The following COL5A3 variants were observed in gnomAD, a reference collection of about 807,000 sequenced individuals.
COL5A3 encodes the protein collagen alpha-3(V) chain.
COL5A3 carries 172 observed loss-of-function variants against 250.0 expected under a neutral mutation model. The ratio of observed to expected loss-of-function variants is 0.69; its 90% CI spans 0.61 to 0.78. The LOEUF (loss-of-function observed/expected upper bound fraction) is 0.78, where lower values mean the gene tolerates loss of function less well. COL5A3 is among the 30% of genes least tolerant of loss of function. The pLI is 0.00. For missense variants in COL5A3, 2,340 were observed against 2,334.4 expected (o/e 1.00, Z -0.05); for synonymous variants, 937 against 900.4 (o/e 1.04, Z -0.73).
At chr19:9,996,928 G>A (rs2145129560) in intron 11 of COL5A3, 1 of 555,076 alleles carries the variant, frequency 1.8e-6, no homozygotes, top group Non-Finnish European at 3.1e-6. Context: ...GAAGGATGGG[G>A]GCAGATGGAG....
At chr19:9,966,858 G>A in intron 62 of COL5A3, 112 bp from the exon 63 acceptor site, 2 of 786,116 alleles carry the variant, frequency 2.5e-6, no homozygotes, top group East Asian at 2.7e-5. Flanking sequence ...TGAGAAAGAG[G>A]AGGGAGAGAG....
At chr19:9,981,513 G>A (rs550274183) in intron 32 of COL5A3, among the ~76,000 whole-genome samples, 8 of 152,312 alleles carry the variant, frequency 5.3e-5, no homozygotes, top group Non-Finnish European at 1.0e-4. Flanking sequence ...TATACCCACT[G>A]TAAACACATG....
intron 51 of COL5A3, among the ~76,000 whole-genome samples, chr19:9,972,527 A>G (rs2086866336): frequency 6.6e-6 from 1 of 152,090 alleles, no homozygotes; most frequent in African/African-American, 2.4e-5. Context: ...AGAGGATGCA[A>G]TCCCTGGCTA....
At chr19:10,005,501 G>A in intron 4 of COL5A3, 57 bp downstream of exon 4, 3 of 1,537,772 alleles carry the variant, frequency 2.0e-6, no homozygotes, top group Non-Finnish European at 2.7e-6. Context: ...CCAGATTCAG[G>A]CTGTAGACAA....
chr19:9,985,085 A>T (rs1221322320), intron 31 of COL5A3, among the ~76,000 whole-genome samples: 1 of 148,458 alleles, frequency 6.7e-6, no homozygotes, highest in Non-Finnish European at 1.5e-5. Flanking sequence ...GGTAGCTGGG[A>T]TTACAGGTGC....
Position 9,960,246 on chromosome 19 carries a change from C to T in COL5A3, c.*165G>A, listed in dbSNP as rs1312680616. Reference sequence around the variant, plus strand: ...ACCCTTGGGCCAGGGAACCCCAGCCCCCAGCACCCTGGAAAGGAGAAGGAA... The same window carrying T: ...ACCCTTGGGCCAGGGAACCCCAGCCTCCAGCACCCTGGAAAGGAGAAGGAA... On this transcript the variant is annotated 3_prime_UTR_variant, in exon 67 of 67. Transcript: ENST00000264828. 4.6e-6 allele frequency: 4 copies of T among 871,414 alleles called. No individual in the cohort carries two copies. The Admixed American group carries it at 7.6e-5, about 17-fold the overall frequency. 54.0% of individuals were successfully genotyped at this position (871,414 alleles called of 1,614,324 possible).
chr19:9,997,334 C>T, intron 11 of COL5A3, 37 bp downstream of exon 11: 1 of 1,522,732 alleles, frequency 6.6e-7, no homozygotes, highest in African/African-American at 1.4e-5. Context: ...AAACCTCACT[C>T]CTCTGAGAAG....
At position 9,986,330 on chromosome 19, in the gene COL5A3, G is replaced by T; in HGVS notation, c.2337C>A (p.Gly779=). Residue 779 remains glycine (G), a synonymous_variant, in exon 30 of 67, where the codon GGC becomes GGA. Transcript: ENST00000264828. ...AGTCATTTACCTTCTCCCCAGCTGA[G>T]CCTGGGGGCCCCTCCTCGCCAGCCT... is the stretch of plus-strand genomic sequence containing the variant. The part of the protein sequence containing the change: ...AGQAGEEGPP[G]SAGEKGKLGV... 6.3e-7 allele frequency: 1 copy of T among 1,578,680 alleles called. No homozygotes were observed.
rs2087499557 is a variant in COL5A3, at chr19:10,009,758, C to A, written c.88+540G>T. Among the ~76,000 whole-genome samples, 1 of 152,058 alleles carries A rather than the reference C, an allele frequency of 6.6e-6. No homozygotes were observed. The highest frequency in any genetic ancestry group is 1.5e-5 in the Non-Finnish European group (1 of 67,996). On this transcript the variant is annotated intron_variant, in intron 1 of 66. Transcript: ENST00000264828. This position sits in a 1 kb window ranked among gnomAD's most constrained non-coding sequence, Gnocchi z 4.4. The stretch of plus-strand genomic sequence containing the variant: ...GAAGAGCACCCCCCAATACTTGTCC[C>A]CACCCACCTTCATCCTCATGGGCAA...
At chr19:9,999,015 T>A (rs1010176204) in intron 8 of COL5A3, among the ~76,000 whole-genome samples, 5 of 136,020 alleles carry the variant, frequency 3.7e-5, no homozygotes, top group Non-Finnish European at 6.3e-5. Flanking sequence ...CTTTTCTTTC[T>A]TTCTTTCTTT....
At chr19:9,997,348 A>C (rs953176852) in intron 11 of COL5A3, 23 bp downstream of exon 11, 1 of 1,587,712 alleles carries the variant, frequency 6.3e-7, no homozygotes, top group African/African-American at 1.3e-5. Context: ...TGAGAAGTGT[A>C]CACCCCAGTG....
At chr19:10,002,472 C>G (rs948132341) in intron 6 of COL5A3, among the ~76,000 whole-genome samples, 5 of 147,110 alleles carry the variant, frequency 3.4e-5, no homozygotes, top group South Asian at 4.4e-4. Context: ...GACCCCCCAA[C>G]CCAGTGACCC....
At chr19:10,004,725 C>T (rs2087416538) in intron 4 of COL5A3, among the ~76,000 whole-genome samples, 1 of 152,140 alleles carries the variant, frequency 6.6e-6, no homozygotes. Context: ...GGTCCCTGGC[C>T]TCCCAGAGGT....
intron 55 of COL5A3, 61 bp downstream of exon 55, chr19:9,969,808 G>C (rs1224413866): frequency 6.3e-7 from 1 of 1,597,708 alleles, no homozygotes; most frequent in East Asian, 2.2e-5. Context: ...ACCCTCTCCT[G>C]ATGGCCCCAC....
chr19:10,000,604 G>T (rs1419695112), intron 8 of COL5A3, among the ~76,000 whole-genome samples: 1 of 151,612 alleles, frequency 6.6e-6, no homozygotes, highest in Non-Finnish European at 1.5e-5. Flanking sequence ...GGCCCAGGGG[G>T]AGCTTTTAAA....
intron 32 of COL5A3, 139 bp from the exon 33 acceptor site, chr19:9,981,271 A>G (rs2087005064): frequency 4.2e-6 from 3 of 709,638 alleles, no homozygotes; most frequent in Non-Finnish European, 7.5e-6. Flanking sequence ...TCATACACAT[A>G]CACACAAATA....
rs1464997159 is a variant in COL5A3 at position 9,997,041 on chromosome 19, T to C, written c.1263+330A>G. The C allele has an allele frequency of 2.3e-5, 12 of 515,666 alleles. No homozygotes were observed. The Admixed American group carries it at 4.1e-4, about 18-fold the overall frequency. The allele number at this position is 515,666 out of a possible 1,614,324, so 31.9% of individuals were successfully genotyped here. A position where few individuals can be genotyped will look rare whatever the true frequency, so the allele number is the denominator to read the frequency against. On this transcript the variant is annotated intron_variant, in intron 11 of 66. Transcript: ENST00000264828. ...GGAGAAATAGAGAGAGAGGCGAACA[T>C]AGAGAGATGGACGGAGGGAGAGGGA...
intron 28 of COL5A3, 46 bp from the exon 29 acceptor site, chr19:9,986,652 G>A: frequency 1.2e-6 from 2 of 1,613,590 alleles, no homozygotes; most frequent in Non-Finnish European, 1.7e-6. Flanking sequence ...TCGGGGAAGG[G>A]ACACAACCAG....
In COL5A3 at chr19:9,962,891, G is replaced by C. The variant is rs377581980; in HGVS notation, c.4783-4C>G. 5.6e-6 allele frequency: 9 copies of C among 1,606,820 alleles called. No homozygotes were observed. The African/African-American group carries it at 1.1e-4, about 19-fold the overall frequency. On this transcript the variant is annotated splice_polypyrimidine_tract_variant and splice_region_variant and intron_variant, in intron 64 of 66. Coordinates refer to ENST00000264828, the MANE Select transcript of COL5A3 (RefSeq NM_015719.4). Reference sequence around the variant, plus strand: ...TGGACCAGGAGGCCAATTTCACCTGGAAGAGAAAAGGGAGGGTCACTGTAG... The same window carrying C: ...TGGACCAGGAGGCCAATTTCACCTGCAAGAGAAAAGGGAGGGTCACTGTAG...
Sources: gnomAD v4.1 joint callset for allele counts (sites outside exome capture counted in the v4.1 genomes callset) on GRCh38, gnomAD v4.1.1 for gene constraint, Gnocchi (gnomAD v3.1) non-coding constraint, MANE v1.5 for transcripts, NCBI Gene and HGNC (gene_info 2026-07-23, HGNC 2026-07-21) for gene names.